The following MCUR1 variants were observed in gnomAD, a reference collection of about 807,000 sequenced individuals.
MCUR1 encodes the protein mitochondrial calcium uniporter regulator 1, also known as MCU regulator 1.
Under a neutral mutation model 42.0 loss-of-function variants are expected in MCUR1, and 37 were observed. The ratio of observed to expected loss-of-function variants is 0.88; its 90% CI spans 0.68 to 1.16. MCUR1 has a LOEUF of 1.16. Among genes scored for constraint, MCUR1 ranks in the 50% most tolerant of loss-of-function variants. MCUR1 has a pLI of 0.00. For synonymous variants in MCUR1, 229 were observed against 196.2 expected (o/e 1.17, Z -1.40); for missense variants, 469 against 468.4 (o/e 1.00, Z -0.01).
Position 13,790,883 on chromosome 6 carries a change from T to A in MCUR1, c.1025-19A>T, listed in dbSNP as rs763039393. 2 of 1,580,842 alleles carry A rather than the reference T, an allele frequency of 1.3e-6. No homozygotes were observed. The highest frequency in any genetic ancestry group is 3.4e-5 in the Admixed American group (2 of 59,108). ...ATAGACCCTGTAAGAAAAAAACAAT[T>A]GAGAGTACTATTAGTTCTATTAAGA... On this transcript the variant is annotated intron_variant, in intron 8 of 8. Coordinates refer to ENST00000379170, the MANE Select transcript of MCUR1 (RefSeq NM_001031713.4).
intron 7 of MCUR1, among the ~76,000 whole-genome samples, chr6:13,793,125 CAAAAAAA>C (rs781438643): frequency 2.3e-5 from 2 of 87,874 alleles, no homozygotes; most frequent in East Asian, 3.0e-4. Context: ...GACCCCACCT[CAAAAAAA>C]AAAAAAAAAA....
chr6:13,798,567 ATC>A (rs1951884768), intron 6 of MCUR1, among the ~76,000 whole-genome samples: 1 of 152,128 alleles, frequency 6.6e-6, no homozygotes, highest in South Asian at 2.1e-4. Context: ...TTCTTTATGA[ATC>A]TCTATGTAAC....
rs906091348 is a variant in MCUR1, at chr6:13,790,673, G to T, written c.*136C>A. The T allele has an allele frequency of 5.5e-6, 3 of 548,854 alleles. No individual in the cohort carries two copies. The highest frequency in any genetic ancestry group is 9.9e-6 in the Non-Finnish European group (3 of 303,738). 34.0% of individuals were successfully genotyped at this position (548,854 alleles called of 1,614,324 possible). ...TCACCGTGTTGGCCAGGCTGGTCTC[G>T]AACTCCTGACCTCAGGTAATCCACC... On this transcript the variant is annotated 3_prime_UTR_variant, in exon 9 of 9. Transcript: ENST00000379170.
In MCUR1 at chr6:13,807,008, C is replaced by T. The variant is rs762334997; in HGVS notation, c.452G>A (p.Arg151His). The change falls in exon 2 of 9, where the codon CGC becomes CAC. Residue 151 changes from arginine to histidine, a missense_variant. Transcript: ENST00000379170. ...SLSAGSLQLE[R>H]KRRDFTSSGS... The stretch of plus-strand genomic sequence containing the variant: ...AGAAGAGGTGAAATCTCTCCTTTTG[C>T]GCTCCAGCTGCAGGGATCCAGCAGA... 37 of 1,613,104 alleles carry T rather than the reference C, an allele frequency of 2.3e-5. No homozygotes were observed. The highest frequency in any genetic ancestry group is 2.7e-5 in the African/African-American group (2 of 74,852).
In MCUR1 at chr6:13,792,032, C is replaced by T. The variant is rs747304721; in HGVS notation, c.910-40G>A. The T allele has an allele frequency of 1.1e-5, 16 of 1,484,074 alleles. No individual in the cohort carries two copies. In the East Asian group the frequency reaches 1.4e-4, roughly 13 times the overall value. The allele number at this position is 1,484,074 out of a possible 1,614,324, so 91.9% of individuals were successfully genotyped here. On this transcript the variant is annotated intron_variant, in intron 7 of 8. Transcript: ENST00000379170. ...AGAGTCACAGCGTTAGACCACAGCA[C>T]GTCCCCTCTGCTCACCATCCTATAG...
In MCUR1 at chr6:13,790,064, G is replaced by C. The variant is rs1305896574; in HGVS notation, c.*745C>G. 1 of 152,250 alleles carries C rather than the reference G, an allele frequency of 6.6e-6. No homozygotes were observed. Among genetic ancestry groups the C allele is most frequent in the Non-Finnish European group, 1.5e-5 (1 of 68,052 alleles). The allele number at this position is 152,250 out of a possible 1,614,324, so 9.4% of individuals were successfully genotyped here. The stretch of plus-strand genomic sequence containing the variant: ...GGTACAGGGACTAGCTCATGTTAAA[G>C]ACTGGTTATTTAGGTAAAGAGGATC... On this transcript the variant is annotated 3_prime_UTR_variant, in exon 9 of 9. Coordinates refer to ENST00000379170, the MANE Select transcript of MCUR1 (RefSeq NM_001031713.4).
At chr6:13,792,597 C>T (rs529540782) in intron 7 of MCUR1, among the ~76,000 whole-genome samples, 1 of 152,158 alleles carries the variant, frequency 6.6e-6, no homozygotes, top group African/African-American at 2.4e-5. Flanking sequence ...AAATACAATA[C>T]AGTTAAACTG....
rs1157169236 is a variant in MCUR1, at chr6:13,786,962, C to T, written c.*3847G>A. 1 of 152,006 alleles carries T rather than the reference C, an allele frequency of 6.6e-6. No individual in the cohort carries two copies. Among genetic ancestry groups the T allele is most frequent in the Admixed American group, 6.6e-5 (1 of 15,254 alleles). The allele number at this position is 152,006 out of a possible 1,614,324, so 9.4% of individuals were successfully genotyped here. A position where few individuals can be genotyped will look rare whatever the true frequency, so the allele number is the denominator to read the frequency against. On this transcript the variant is annotated 3_prime_UTR_variant, in exon 9 of 9. Transcript: ENST00000379170. ...ATTATTTCTGGTTAACATGTTTTTGCCTTAGTGCCAAAAAAGCCAGAACAA... is the reference window on the plus strand; with the variant it reads ...ATTATTTCTGGTTAACATGTTTTTGTCTTAGTGCCAAAAAAGCCAGAACAA...
rs1304476704 is a variant in MCUR1 at position 13,790,462 on chromosome 6, C to CA, written c.*346_*347insT. On this transcript the variant is annotated 3_prime_UTR_variant, in exon 9 of 9. Coordinates refer to ENST00000379170, the MANE Select transcript of MCUR1 (RefSeq NM_001031713.4). ...ACAAAAGGACAACAATCTGGTATTC[C>CA]GGTTTTTTTTTTTTTTTTGAGACGG... is the stretch of plus-strand genomic sequence containing the variant. 6.5e-6 allele frequency: 1 copy of CA among 153,298 alleles called. No individual in the cohort carries two copies. The highest frequency in any genetic ancestry group is 2.5e-5 in the African/African-American group (1 of 40,242). The allele number at this position is 153,298 out of a possible 1,614,324, so 9.5% of individuals were successfully genotyped here. A position where few individuals can be genotyped will look rare whatever the true frequency, so the allele number is the denominator to read the frequency against.
chr6:13,808,356 A>G (rs900558721), intron 1 of MCUR1, among the ~76,000 whole-genome samples: 1 of 152,302 alleles, frequency 6.6e-6, no homozygotes, highest in Non-Finnish European at 1.5e-5. Flanking sequence ...TTGTCTTTCT[A>G]TTACTGAGCT....
rs1384117124 is a variant in MCUR1 at position 13,792,454 on chromosome 6, T to C, written c.910-462A>G. ...TTTCAAGAAATGGAGTCTTAGATAA[T>C]GTGAAAGCGGCAGTGCTTGTCTTGA... On this transcript the variant is annotated intron_variant, in intron 7 of 8. Transcript: ENST00000379170. Among the ~76,000 whole-genome samples, 3 of 152,222 alleles carry C rather than the reference T, an allele frequency of 2.0e-5. 1 individual carries two copies. In the East Asian group the frequency reaches 5.8e-4, roughly 29 times the overall value.
At chr6:13,806,079 C>T (rs1199560114) in intron 2 of MCUR1, among the ~76,000 whole-genome samples, 1 of 151,972 alleles carries the variant, frequency 6.6e-6, no homozygotes, top group Admixed American at 6.6e-5. Context: ...CATGGTGAAA[C>T]CCCATCTCTA....
At chr6:13,792,322 T>A (rs186735596) in intron 7 of MCUR1, among the ~76,000 whole-genome samples, 1 of 152,254 alleles carries the variant, frequency 6.6e-6, no homozygotes, top group African/African-American at 2.4e-5. Flanking sequence ...TAGGTTGCTA[T>A]ACAAATGATG....
At position 13,809,380 on chromosome 6, in the gene MCUR1, G is replaced by A. The variant is rs532811532; in HGVS notation, c.416-2336C>T. ...CTCATCTTTAATCATAAGAGATATC[G>A]GTCAATAGCATTCTTTTCTTGTAAT... On this transcript the variant is annotated intron_variant, in intron 1 of 8. Coordinates refer to ENST00000379170, the MANE Select transcript of MCUR1 (RefSeq NM_001031713.4). Among the ~76,000 whole-genome samples, 6 of 152,100 alleles carry A rather than the reference G, an allele frequency of 3.9e-5. No homozygotes were observed. The East Asian group carries it at 7.7e-4, about 20-fold the overall frequency.
At position 13,798,847 on chromosome 6, in the gene MCUR1, T is replaced by C; in HGVS notation, c.841A>G (p.Arg281Gly). Residue 281 changes from arginine to glycine, a missense_variant, in exon 6 of 9, where the codon AGA becomes GGA. Coordinates refer to ENST00000379170, the MANE Select transcript of MCUR1 (RefSeq NM_001031713.4). ...TKLDFNLEKS[R>G]VKELYSLNEK... ...AAGGAACGTACCAATTCTTTTACTC[T>C]GCTCTTTTCTAGGTTGAAGTCTAAT... The C allele has an allele frequency of 6.2e-7, 1 of 1,611,524 alleles. No individual in the cohort carries two copies.
chr6:13,796,895 A>G (rs75063398), intron 6 of MCUR1, among the ~76,000 whole-genome samples: 4,089 of 152,268 alleles, frequency 0.027, 165 homozygotes, highest in African/African-American at 0.092. Flanking sequence ...GTTCTTCCTG[A>G]GTATACAACC....
chr6:13,804,814 A>AAAAAAAAAAAAAAAAAAAAAAAG (rs1230089057), intron 2 of MCUR1, among the ~76,000 whole-genome samples: 3 of 148,804 alleles, frequency 2.0e-5, no homozygotes, highest in African/African-American at 7.6e-5. Context: ...AAAAAAAAAA[A>AAAAAAAAAAAAAAAAAAAAAAAG]GTGGAAGTCT....
chr6:13,803,993 T>A (rs181081153), intron 2 of MCUR1: 12 of 967,194 alleles, frequency 1.2e-5, no homozygotes, highest in African/African-American at 7.1e-5. Context: ...TTTTAAAAAA[T>A]TTTAATTAAA....
intron 8 of MCUR1, among the ~76,000 whole-genome samples, chr6:13,791,188 T>C (rs1261390846): frequency 6.6e-6 from 1 of 152,170 alleles, no homozygotes; most frequent in African/African-American, 2.4e-5. Flanking sequence ...TACAGGCAGA[T>C]GACACCATGC....
Sources: allele counts gnomAD v4.1 joint callset (sites outside exome capture counted in the v4.1 genomes callset), GRCh38; gene constraint gnomAD v4.1.1; transcripts MANE v1.5; gene names NCBI Gene and HGNC (gene_info 2026-07-23, HGNC 2026-07-21).